Variants in CTNNA2 observed in about 807,000 individuals in gnomAD.
The protein encoded by CTNNA2 is catenin alpha-2.
CTNNA2 carries 42 observed loss-of-function variants against 101.0 expected under a neutral mutation model. The ratio of observed to expected loss-of-function variants is 0.42; its 90% CI spans 0.32 to 0.54. The LOEUF (loss-of-function observed/expected upper bound fraction) is 0.54, where lower values mean the gene tolerates loss of function less well. Among genes scored for constraint, CTNNA2 ranks in the 20% least tolerant of loss-of-function variants. The pLI is 0.14. For missense variants in CTNNA2, 871 were observed against 1,223.1 expected (o/e 0.71, Z 4.29); for synonymous variants, 450 against 456.4 (o/e 0.99, Z 0.18).
At position 79,615,054 on chromosome 2, in the gene CTNNA2, T is replaced by C. The variant is rs1573481825; in HGVS notation, c.-5-36498T>C. On this transcript the variant is annotated intron_variant, in intron 1 of 18. Coordinates refer to ENST00000402739, the MANE Select transcript of CTNNA2 (RefSeq NM_001282597.3). ...GACGAGAGAGCATATTTAATATTTT[T>C]CATTATATTTGTTGATACTAACATG... is the stretch of plus-strand genomic sequence containing the variant. 2.0e-5 allele frequency among the ~76,000 whole-genome samples: 3 copies of C among 152,304 alleles called. No homozygotes were observed. In the South Asian group the frequency reaches 6.2e-4, roughly 32 times the overall value.
At chr2:79,863,470 C>G (rs1199947131) in intron 4 of CTNNA2, among the ~76,000 whole-genome samples, 2 of 152,100 alleles carry the variant, frequency 1.3e-5, no homozygotes, top group Non-Finnish European at 2.9e-5. Context: ...AGTCTCAAGT[C>G]CAAGCTGGGG....
chr2:79,264,813 C>T (rs1306329552), intron 2 of CTNNA2, among the ~76,000 whole-genome samples: 3 of 152,024 alleles, frequency 2.0e-5, no homozygotes, highest in Non-Finnish European at 4.4e-5. Flanking sequence ...AGGTAGTTCT[C>T]AGGAACCTAT....
intron 9 of CTNNA2, among the ~76,000 whole-genome samples, chr2:80,497,656 C>G: frequency 6.6e-6 from 1 of 152,146 alleles, no homozygotes; most frequent in Admixed American, 6.5e-5. Context: ...GGGATAGTCA[C>G]TGACTTGTTT....
At chr2:79,953,443 C>A (rs1408553027) in intron 7 of CTNNA2, among the ~76,000 whole-genome samples, 1 of 152,174 alleles carries the variant, frequency 6.6e-6, no homozygotes. Context: ...TTGGACTCCC[C>A]CACTTTCCCT....
chr2:79,643,835 C>T (rs1334916437), intron 1 of CTNNA2, among the ~76,000 whole-genome samples: 3 of 152,118 alleles, frequency 2.0e-5, no homozygotes, highest in Non-Finnish European at 4.4e-5. Flanking sequence ...TGCTGACTTT[C>T]AGCTAGAACT....
At chr2:80,008,192 G>A (rs1693510777) in intron 7 of CTNNA2, among the ~76,000 whole-genome samples, 1 of 152,134 alleles carries the variant, frequency 6.6e-6, no homozygotes, top group Non-Finnish European at 1.5e-5. Flanking sequence ...TGGAAACAAA[G>A]CTTATGTACT....
chr2:80,470,739 C>G (rs1685233517), intron 9 of CTNNA2, among the ~76,000 whole-genome samples: 1 of 152,114 alleles, frequency 6.6e-6, no homozygotes, highest in Admixed American at 6.5e-5. Flanking sequence ...ATAGAGAAAG[C>G]ATACAGAAGA....
At chr2:79,255,869 G>A (rs1348796232) in intron 2 of CTNNA2, among the ~76,000 whole-genome samples, 2 of 152,140 alleles carry the variant, frequency 1.3e-5, no homozygotes, top group Non-Finnish European at 2.9e-5. Context: ...CTAAGGGTTT[G>A]GGACCTAACG....
intron 7 of CTNNA2, among the ~76,000 whole-genome samples, chr2:80,374,685 G>A (rs1325786037): frequency 2.3e-4 from 24 of 102,860 alleles, no homozygotes; most frequent in Admixed American, 3.8e-4. Flanking sequence ...GTGCGTGCGT[G>A]TGTGTGTGTG....
chr2:79,376,922 T>C (rs906449310), intron 4 of CTNNA2, among the ~76,000 whole-genome samples: 2 of 152,214 alleles, frequency 1.3e-5, no homozygotes, highest in South Asian at 4.1e-4. Context: ...TCTTTGCTAT[T>C]GTGAATAGTG....
chr2:80,225,930 T>C (rs10193707), intron 7 of CTNNA2, among the ~76,000 whole-genome samples: 29,735 of 152,162 alleles, frequency 0.2, 3,986 homozygotes, highest in African/African-American at 0.38. Context: ...AAAATACTGA[T>C]TAGATACTAG....
chr2:80,390,457 T>G (rs1011796355), intron 7 of CTNNA2, among the ~76,000 whole-genome samples: 2 of 152,194 alleles, frequency 1.3e-5, no homozygotes, highest in African/African-American at 4.8e-5. Flanking sequence ...AGGATATTGA[T>G]GCCAGAAGGG....
intron 8 of CTNNA2, among the ~76,000 whole-genome samples, chr2:80,400,961 G>T (rs2149379223): frequency 6.6e-6 from 1 of 152,232 alleles, no homozygotes; most frequent in East Asian, 1.9e-4. Flanking sequence ...TGTTGCTTCT[G>T]CCTGGAATAC....
At position 79,789,768 on chromosome 2, in the gene CTNNA2, C is replaced by A. The variant is rs368403986; in HGVS notation, c.298+45186C>A. 7.5e-4 allele frequency among the ~76,000 whole-genome samples: 114 copies of A among 152,048 alleles called. 5 individuals are homozygous for A. The South Asian group carries it at 0.023, about 31-fold the overall frequency. On this transcript the variant is annotated intron_variant, in intron 3 of 18. Coordinates refer to ENST00000402739, the MANE Select transcript of CTNNA2 (RefSeq NM_001282597.3). ...AAGTAGAGGATGGTGTCCAGGGGCC[C>A]CTCATCAAGACTGTGATGGTGAGAG...
chr2:79,232,086 A>G lies in CTNNA2; in HGVS notation c.-406+34010A>G, dbSNP rs942171556. 2.6e-5 allele frequency among the ~76,000 whole-genome samples: 4 copies of G among 152,092 alleles called. No homozygotes were observed. The East Asian group carries it at 7.7e-4, about 29-fold the overall frequency. On this transcript the variant is annotated intron_variant, in intron 2 of 21. Coordinates refer to the CTNNA2 transcript ENST00000466387. ...CCTGATTGCCCTGGGTAGGCCTTCC[A>G]GTACTGTGTTGAATAGGAGTAGTAA... is the stretch of plus-strand genomic sequence containing the variant.
chr2:79,802,006 A>G (rs1261985825), intron 3 of CTNNA2, among the ~76,000 whole-genome samples: 1 of 151,060 alleles, frequency 6.6e-6, no homozygotes, highest in Non-Finnish European at 1.5e-5. Flanking sequence ...AAAAAAAAAA[A>G]AAAAAAATGA....
intron 2 of CTNNA2, among the ~76,000 whole-genome samples, chr2:79,255,929 A>G (rs1674838883): frequency 6.6e-6 from 1 of 152,154 alleles, no homozygotes; most frequent in African/African-American, 2.4e-5. Context: ...GTGTTGTATC[A>G]GCTGAGAAGA....
intron 1 of CTNNA2, among the ~76,000 whole-genome samples, chr2:79,187,274 T>TCTTTTCTTTTC (rs1230248088): frequency 7.4e-6 from 1 of 134,472 alleles, no homozygotes; most frequent in African/African-American, 2.8e-5. Flanking sequence ...TCTTTTCTTT[T>TCTTTTCTTTTC]TTTTTTTTTT....
intron 18 of CTNNA2, among the ~76,000 whole-genome samples, chr2:80,624,269 C>T (rs1671442626): frequency 6.6e-6 from 1 of 151,968 alleles, no homozygotes; most frequent in Non-Finnish European, 1.5e-5. Flanking sequence ...TCAGCATTCT[C>T]ATCATGACTG....
Sources: gnomAD v4.1 joint callset for allele counts (sites outside exome capture counted in the v4.1 genomes callset) on GRCh38, gnomAD v4.1.1 for gene constraint, MANE v1.5 for transcripts, NCBI Gene and HGNC (gene_info 2026-07-23, HGNC 2026-07-21) for gene names.